The following MAPKAP1 variants were observed in gnomAD, a reference collection of about 807,000 sequenced individuals.
MAPKAP1 encodes MAPK associated protein 1.
In MAPKAP1, 20 loss-of-function variants were observed where a neutral mutation model predicts 65.7. That is an observed-to-expected ratio of 0.30 (90% CI 0.21 to 0.44). The LOEUF (loss-of-function observed/expected upper bound fraction) is 0.44, where lower values mean the gene tolerates loss of function less well. MAPKAP1 is among the 20% of genes least tolerant of loss of function. The pLI is 1.00. For synonymous variants in MAPKAP1, 222 were observed against 244.3 expected, an observed-to-expected ratio of 0.91 and a Z score of 0.85; for missense variants, 423 against 648.0, an observed-to-expected ratio of 0.65 and a Z score of 3.77.
intron 8 of MAPKAP1, 146 bp downstream of exon 8, chr9:125,506,164 T>C (rs1829132950): frequency 2.8e-6 from 2 of 702,652 alleles, no homozygotes; most frequent in Non-Finnish European, 5.1e-6. Context: ...TGGGATATAC[T>C]TTGGCACGAA....
intron 10 of MAPKAP1, among the ~76,000 whole-genome samples, chr9:125,465,111 C>T (rs180986435): frequency 2.3e-3 from 352 of 152,252 alleles, no homozygotes; most frequent in Non-Finnish European, 4.3e-3. Flanking sequence ...TTCCGGTCTT[C>T]GGCAAGACAC....
chr9:125,659,772 C>T (rs1037944868), intron 3 of MAPKAP1, among the ~76,000 whole-genome samples: 22 of 151,342 alleles, frequency 1.5e-4, no homozygotes, highest in Admixed American at 1.2e-3. Context: ...TGGTTACTAC[C>T]ATATTTTTCT....
intron 7 of MAPKAP1, among the ~76,000 whole-genome samples, chr9:125,516,963 C>T (rs902242756): frequency 6.6e-6 from 1 of 152,170 alleles, no homozygotes; most frequent in Non-Finnish European, 1.5e-5. Flanking sequence ...CTTTCCTGGC[C>T]CTTAACAACG....
chr9:125,653,129 GTCA>G (rs1833939250), intron 4 of MAPKAP1, among the ~76,000 whole-genome samples: 1 of 152,310 alleles, frequency 6.6e-6, no homozygotes, highest in East Asian at 1.9e-4. Flanking sequence ...AAGATACACT[GTCA>G]TCATTTCTTT....
At chr9:125,702,042 C>T (rs541096515) in intron 1 of MAPKAP1, among the ~76,000 whole-genome samples, 16 of 152,334 alleles carry the variant, frequency 1.1e-4, no homozygotes, top group African/African-American at 3.8e-4. Context: ...CCTAGAATTA[C>T]ACTCAGCCCA....
chr9:125,693,430 T>C (rs867354535), intron 1 of MAPKAP1, among the ~76,000 whole-genome samples: 1 of 144,678 alleles, frequency 6.9e-6, no homozygotes, highest in Non-Finnish European at 1.5e-5. Context: ...AAAAAAAATA[T>C]ATATATATAT....
At chr9:125,545,147 C>G (rs182641214) in intron 6 of MAPKAP1, among the ~76,000 whole-genome samples, 1 of 152,152 alleles carries the variant, frequency 6.6e-6, no homozygotes, top group South Asian at 2.1e-4. Context: ...GCCTGAGTCC[C>G]GGCCATTCTT....
At chr9:125,533,041 C>T (rs1465274847) in intron 7 of MAPKAP1, among the ~76,000 whole-genome samples, 1 of 152,120 alleles carries the variant, frequency 6.6e-6, no homozygotes, top group Non-Finnish European at 1.5e-5. Flanking sequence ...ACAAGTGAAG[C>T]TGTGTGGCTT....
chr9:125,563,814 T>G (rs1002865987), intron 5 of MAPKAP1, among the ~76,000 whole-genome samples: 2 of 152,146 alleles, frequency 1.3e-5, no homozygotes, highest in African/African-American at 4.8e-5. Flanking sequence ...CCTCCCAGTT[T>G]CAAGCGATTC....
intron 8 of MAPKAP1, among the ~76,000 whole-genome samples, chr9:125,500,740 A>G (rs1028646894): frequency 1.3e-5 from 2 of 152,200 alleles, no homozygotes; most frequent in African/African-American, 4.8e-5. Flanking sequence ...TTTTTTTTAC[A>G]TGTATAAGTA....
rs182363510 is a variant in MAPKAP1, at chr9:125,690,986, G to A, written c.-70+15985C>T. ...AGAGATAAAAACTGGTAGAGGCCGG[G>A]CGCAGTGGCTCACGCCTGTAATCCC... On this transcript the variant is annotated intron_variant, in intron 1 of 11. Transcript: ENST00000265960. Among the ~76,000 whole-genome samples the A allele has an allele frequency of 2.2e-4, 34 of 152,344 alleles. No individual in the cohort carries two copies. The East Asian group carries it at 6.4e-3, about 29-fold the overall frequency.
intron 7 of MAPKAP1, among the ~76,000 whole-genome samples, chr9:125,531,673 T>C (rs1423161209): frequency 1.3e-5 from 2 of 152,218 alleles, no homozygotes; most frequent in African/African-American, 2.4e-5. Flanking sequence ...CATTTTATTA[T>C]GAGTATTTTT....
chr9:125,448,463 G>C (rs1274197409), intron 10 of MAPKAP1, among the ~76,000 whole-genome samples: 1 of 152,152 alleles, frequency 6.6e-6, no homozygotes, highest in Non-Finnish European at 1.5e-5. Context: ...CTGAACAAAA[G>C]AACACCTGTT....
chr9:125,507,436 A>G (rs1485320850), intron 7 of MAPKAP1, among the ~76,000 whole-genome samples: 1 of 152,210 alleles, frequency 6.6e-6, no homozygotes, highest in Non-Finnish European at 1.5e-5. Flanking sequence ...CAGGGCTCCC[A>G]GGCGGAACAC....
At chr9:125,693,872 C>CAT (rs1554844792) in intron 1 of MAPKAP1, among the ~76,000 whole-genome samples, 53 of 147,266 alleles carry the variant, frequency 3.6e-4, no homozygotes, top group Admixed American at 1.0e-3. Context: ...CACACACACA[C>CAT]ATATATATAT....
chr9:125,534,988 G>A (rs752918020), intron 7 of MAPKAP1, among the ~76,000 whole-genome samples: 2 of 152,174 alleles, frequency 1.3e-5, no homozygotes, highest in African/African-American at 2.4e-5. Flanking sequence ...GAGTAGGAAC[G>A]ATTTCTTGGT....
At chr9:125,676,934 T>C (rs1834663090) in intron 1 of MAPKAP1, among the ~76,000 whole-genome samples, 1 of 152,330 alleles carries the variant, frequency 6.6e-6, no homozygotes, top group Non-Finnish European at 1.5e-5. Context: ...GTATTATGAC[T>C]CTCCAAGAGG....
intron 5 of MAPKAP1, among the ~76,000 whole-genome samples, chr9:125,577,563 G>GT (rs1296194752): frequency 1.2e-5 from 1 of 81,350 alleles, no homozygotes; most frequent in Non-Finnish European, 2.6e-5. Flanking sequence ...GGAGGGAGGT[G>GT]GGGGGGTCAG....
At chr9:125,552,717 T>G (rs1334960733) in intron 6 of MAPKAP1, among the ~76,000 whole-genome samples, 1 of 152,152 alleles carries the variant, frequency 6.6e-6, no homozygotes, top group Admixed American at 6.6e-5. Context: ...CACAGCAGCA[T>G]TTCCTGAGGT....
Sources: gnomAD v4.1 joint callset for allele counts (sites outside exome capture counted in the v4.1 genomes callset) on GRCh38, gnomAD v4.1.1 for gene constraint, MANE v1.5 for transcripts, NCBI Gene and HGNC (gene_info 2026-07-23, HGNC 2026-07-21) for gene names.